The following KALRN variants were observed in gnomAD, a reference collection of about 807,000 sequenced individuals.
KALRN encodes the protein kalirin.
In KALRN, 70 loss-of-function variants were observed where a neutral mutation model predicts 353.7. The ratio of observed to expected loss-of-function variants is 0.20; its 90% CI spans 0.16 to 0.24. The LOEUF is 0.24. Ranked by LOEUF, KALRN falls within the 10% of genes least tolerant of loss-of-function variation. The pLI is 1.00. For synonymous variants in KALRN, 1,391 were observed against 1,434.8 expected (o/e 0.97, Z 0.69); for missense variants, 2,791 against 3,756.7 (o/e 0.74, Z 6.72).
At chr3:124,534,152 T>A (rs762769744) in intron 33 of KALRN, among the ~76,000 whole-genome samples, 13 of 152,234 alleles carry the variant, frequency 8.5e-5, no homozygotes, top group Non-Finnish European at 1.6e-4. Context: ...AAGAGGATTC[T>A]AAGATGACAT....
chr3:124,100,083 G>C (rs1237579686), intron 1 of KALRN, among the ~76,000 whole-genome samples: 2 of 152,132 alleles, frequency 1.3e-5, no homozygotes, highest in African/African-American at 4.8e-5. Context: ...AGAATCGCTT[G>C]AACTAGGGAG....
chr3:124,446,385 T>A, intron 20 of KALRN, 109 bp downstream of exon 20: 1 of 727,878 alleles, frequency 1.4e-6, no homozygotes, highest in African/African-American at 1.8e-5. Flanking sequence ...GGGATGGGAG[T>A]GGGGAATAAA....
At chr3:124,648,144 C>A (rs1445736669) in intron 37 of KALRN, among the ~76,000 whole-genome samples, 1 of 152,224 alleles carries the variant, frequency 6.6e-6, no homozygotes, top group Non-Finnish European at 1.5e-5. Flanking sequence ...GGCTCAGTAT[C>A]CCAACTCTAG....
At chr3:124,173,562 G>C (rs562997316) in intron 1 of KALRN, among the ~76,000 whole-genome samples, 1 of 152,314 alleles carries the variant, frequency 6.6e-6, no homozygotes, top group East Asian at 1.9e-4. Flanking sequence ...TGCTGGCCTA[G>C]TGATAATTGG....
rs946898224 is a variant in KALRN, at chr3:124,592,559, C to T, written c.5182+29470C>T. Among the ~76,000 whole-genome samples, 5 of 151,450 alleles carry T rather than the reference C, an allele frequency of 3.3e-5. No homozygotes were observed. The East Asian group carries it at 9.6e-4, about 29-fold the overall frequency. On this transcript the variant is annotated intron_variant, in intron 34 of 59. Transcript: ENST00000682506. ...TTCTTTTTGGCCAATATTTATTGCA[C>T]ATCTTTTATGTTTGAGGCTTTGTTG...
chr3:124,309,019 T>C (rs1041314394), intron 6 of KALRN, among the ~76,000 whole-genome samples: 3 of 152,036 alleles, frequency 2.0e-5, no homozygotes, highest in African/African-American at 7.2e-5. Context: ...CTATAAATAA[T>C]TGCAAGCCAA....
At chr3:124,681,426 C>A (rs1367604279) in intron 51 of KALRN, among the ~76,000 whole-genome samples, 2 of 152,098 alleles carry the variant, frequency 1.3e-5, no homozygotes, top group Middle Eastern at 3.2e-3. Flanking sequence ...TCGTGCTGAA[C>A]AGAGGAAAAC....
At chr3:124,199,738 C>T (rs1475825066) in intron 1 of KALRN, among the ~76,000 whole-genome samples, 1 of 152,120 alleles carries the variant, frequency 6.6e-6, no homozygotes, top group Non-Finnish European at 1.5e-5. Flanking sequence ...GCAATATGAG[C>T]CTGTACAGCA....
At chr3:124,383,300 T>C (rs1454866478) in intron 10 of KALRN, among the ~76,000 whole-genome samples, 2 of 152,238 alleles carry the variant, frequency 1.3e-5, no homozygotes, top group East Asian at 3.9e-4. Context: ...AGCGTCTCAG[T>C]TTCCTGGGGC....
At chr3:124,286,065 T>C (rs1241410902) in intron 5 of KALRN, among the ~76,000 whole-genome samples, 2 of 101,414 alleles carry the variant, frequency 2.0e-5, no homozygotes, top group Non-Finnish European at 4.2e-5. Flanking sequence ...TGTGCTGTTT[T>C]CTTTCTTTCT....
intron 9 of KALRN, among the ~76,000 whole-genome samples, chr3:124,339,609 G>C (rs2081479860): frequency 6.6e-6 from 1 of 152,178 alleles, no homozygotes; most frequent in African/African-American, 2.4e-5. Flanking sequence ...TGTGCTGTGT[G>C]AGGAGACAGA....
At chr3:124,474,554 A>G in intron 25 of KALRN, 109 bp from the exon 26 acceptor site, 2 of 814,840 alleles carry the variant, frequency 2.5e-6, no homozygotes, top group Non-Finnish European at 2.1e-6. Flanking sequence ...GACAGTAGAG[A>G]AGCCATGTAT....
At chr3:124,345,312 T>C (rs1365131223) in intron 9 of KALRN, among the ~76,000 whole-genome samples, 2 of 152,210 alleles carry the variant, frequency 1.3e-5, no homozygotes, top group South Asian at 4.1e-4. Context: ...TGACTACAAG[T>C]ATTTACCTTT....
intron 5 of KALRN, among the ~76,000 whole-genome samples, chr3:124,292,105 G>A (rs780283918): frequency 2.0e-5 from 3 of 152,168 alleles, no homozygotes; most frequent in African/African-American, 4.8e-5. Flanking sequence ...AGGTCTGTGT[G>A]TTGCCCTATT....
intron 10 of KALRN, among the ~76,000 whole-genome samples, chr3:124,376,338 T>G (rs2086583975): frequency 6.6e-6 from 1 of 152,218 alleles, no homozygotes; most frequent in African/African-American, 2.4e-5. Context: ...GGAGGGAACT[T>G]ACTTGTTCCC....
At chr3:124,480,990 T>C (rs182572615) in intron 27 of KALRN, among the ~76,000 whole-genome samples, 7 of 152,342 alleles carry the variant, frequency 4.6e-5, no homozygotes, top group African/African-American at 1.4e-4. Context: ...CATAGATATA[T>C]ATTTTTTATT....
At chr3:124,717,422 C>G in intron 59 of KALRN, 37 bp downstream of exon 59, 1 of 1,516,502 alleles carries the variant, frequency 6.6e-7, no homozygotes, top group Non-Finnish European at 8.9e-7. Flanking sequence ...CGCAGTGGCT[C>G]ACGCCTGAAA....
chr3:124,367,191 A>AC (rs1254758947), intron 10 of KALRN, among the ~76,000 whole-genome samples: 1 of 19,438 alleles, frequency 5.1e-5, no homozygotes, highest in Non-Finnish European at 8.8e-5. Flanking sequence ...TGGGGGTCTG[A>AC]CCCCCCCACC....
intron 28 of KALRN, among the ~76,000 whole-genome samples, chr3:124,483,493 A>C (rs2062199969): frequency 6.6e-6 from 1 of 152,206 alleles, no homozygotes; most frequent in African/African-American, 2.4e-5. Context: ...CGGAGGTTGC[A>C]GTGATCCGAG....
Sources: allele counts gnomAD v4.1 joint callset (sites outside exome capture counted in the v4.1 genomes callset), GRCh38; gene constraint gnomAD v4.1.1; transcripts MANE v1.5; gene names NCBI Gene and HGNC (gene_info 2026-07-23, HGNC 2026-07-21).